FRMD4A: variants seen among roughly 807,000 people sequenced by gnomAD.
FRMD4A encodes FERM domain-containing protein 4A.
FRMD4A carries 29 observed loss-of-function variants against 129.1 expected under a neutral mutation model. The observed-to-expected ratio is 0.22, with a 90% CI of 0.17 to 0.31. The LOEUF (loss-of-function observed/expected upper bound fraction) is 0.31. Among genes scored for constraint, FRMD4A ranks in the 10% least tolerant of loss-of-function variants. FRMD4A has a pLI of 1.00. For missense variants in FRMD4A, 1,272 were observed against 1,375.8 expected (o/e 0.92, Z 1.19); for synonymous variants, 634 against 571.6 (o/e 1.11, Z -1.56).
At chr10:13,966,748 CATT>C (rs1372790657) in intron 2 of FRMD4A, among the ~76,000 whole-genome samples, 2 of 152,218 alleles carry the variant, frequency 1.3e-5, no homozygotes, top group Non-Finnish European at 2.9e-5. Flanking sequence ...AAACAGAAGT[CATT>C]ATATGAAAAA....
intron 12 of FRMD4A, among the ~76,000 whole-genome samples, chr10:13,730,859 C>CAAAAAAAAAAA (rs10639026): frequency 8.8e-5 from 8 of 90,860 alleles, no homozygotes; most frequent in East Asian, 3.5e-4. Context: ...ACTAAAAATA[C>CAAAAAAAAAAA]AAAAAAAAAA....
At chr10:13,903,728 A>T (rs2094848155) in intron 2 of FRMD4A, among the ~76,000 whole-genome samples, 2 of 152,172 alleles carry the variant, frequency 1.3e-5, no homozygotes, top group South Asian at 4.2e-4. Context: ...AATAAAAAAA[A>T]AATAGCCAGG....
At chr10:13,714,652 A>G (rs1328236502) in intron 12 of FRMD4A, among the ~76,000 whole-genome samples, 1 of 152,194 alleles carries the variant, frequency 6.6e-6, no homozygotes, top group Admixed American at 6.5e-5. Flanking sequence ...TACATAAAGT[A>G]GCTGTATTCA....
chr10:14,053,336 C>T lies in FRMD4A; in HGVS notation c.46-194424G>A, dbSNP rs556390162. The stretch of plus-strand genomic sequence containing the variant: ...GAGATCCCTGTGAGTAATTCTCCTT[C>T]CCTGTAAACAAACACCTCTCACAAC... On this transcript the variant is annotated intron_variant, in intron 2 of 24. Transcript: ENST00000357447. 2.6e-5 allele frequency among the ~76,000 whole-genome samples: 4 copies of T among 152,254 alleles called. No individual in the cohort carries two copies. The South Asian group carries it at 6.2e-4, about 24-fold the overall frequency.
At chr10:13,744,359 A>G (rs2091181791) in intron 9 of FRMD4A, among the ~76,000 whole-genome samples, 1 of 152,166 alleles carries the variant, frequency 6.6e-6, no homozygotes, top group Non-Finnish European at 1.5e-5. Context: ...CAACAGGGAA[A>G]TCGCACGGTG....
intron 2 of FRMD4A, among the ~76,000 whole-genome samples, chr10:14,303,072 T>C (rs1166610901): frequency 6.6e-6 from 1 of 152,230 alleles, no homozygotes; most frequent in Non-Finnish European, 1.5e-5. Flanking sequence ...CAGCAGATCC[T>C]GGCCTCAGCT....
At chr10:13,913,696 AG>A (rs768486900) in intron 2 of FRMD4A, among the ~76,000 whole-genome samples, 6 of 152,078 alleles carry the variant, frequency 3.9e-5, no homozygotes, top group Non-Finnish European at 7.4e-5. Context: ...CTGTATCCTT[AG>A]TACTAGTAGA....
At chr10:14,313,094 T>C (rs1846612689) in intron 2 of FRMD4A, among the ~76,000 whole-genome samples, 1 of 152,152 alleles carries the variant, frequency 6.6e-6, no homozygotes, top group South Asian at 2.1e-4. Context: ...GGCTCACACC[T>C]GTAATCCCAA....
intron 2 of FRMD4A, among the ~76,000 whole-genome samples, chr10:14,138,664 G>A (rs1049481522): frequency 6.6e-5 from 10 of 152,024 alleles, no homozygotes; most frequent in African/African-American, 2.2e-4. Context: ...GGAGGCTGAG[G>A]CAGGAGAATT....
At chr10:13,734,401 G>A (rs2090501827) in intron 12 of FRMD4A, among the ~76,000 whole-genome samples, 1 of 152,150 alleles carries the variant, frequency 6.6e-6, no homozygotes, top group Admixed American at 6.5e-5. Context: ...TCCCTATAGA[G>A]GAGGAAGTCC....
intron 12 of FRMD4A, among the ~76,000 whole-genome samples, chr10:13,725,708 T>A (rs1015123526): frequency 6.6e-6 from 1 of 152,182 alleles, no homozygotes; most frequent in Non-Finnish European, 1.5e-5. Flanking sequence ...CGAGGAACCC[T>A]GGCTTCCCAG....
At position 13,724,323 on chromosome 10, in the gene FRMD4A, C is replaced by T. The variant is rs12219658; in HGVS notation, c.759+13521G>A. ...GAATGGTGTGAACCCGGGAGGCGGACGTTGCAGTGAGCTGAGATAGTGCCA... is the reference window on the plus strand; with the variant it reads ...GAATGGTGTGAACCCGGGAGGCGGATGTTGCAGTGAGCTGAGATAGTGCCA... On this transcript the variant is annotated intron_variant, in intron 12 of 24. Coordinates refer to ENST00000357447, the MANE Select transcript of FRMD4A (RefSeq NM_018027.5). Among the ~76,000 whole-genome samples the T allele has an allele frequency of 0.01, 1,552 of 151,856 alleles. 64 individuals are homozygous for T. In the East Asian group the frequency reaches 0.11, roughly 11 times the overall value.
intron 2 of FRMD4A, among the ~76,000 whole-genome samples, chr10:13,954,808 C>T (rs1234145047): frequency 6.6e-6 from 1 of 152,210 alleles, no homozygotes; most frequent in Non-Finnish European, 1.5e-5. Context: ...CGTACCAAAC[C>T]CTTTCAGAGT....
At chr10:13,956,616 C>G (rs1260065145) in intron 2 of FRMD4A, among the ~76,000 whole-genome samples, 1 of 152,154 alleles carries the variant, frequency 6.6e-6, no homozygotes, top group African/African-American at 2.4e-5. Context: ...CACCAAGGCT[C>G]ATCTTGTGTA....
In FRMD4A at chr10:13,647,017, A is replaced by G. The variant is rs2081157593; in HGVS notation, c.*21T>C. On this transcript the variant is annotated 3_prime_UTR_variant, in exon 25 of 25. Coordinates refer to ENST00000357447, the MANE Select transcript of FRMD4A (RefSeq NM_018027.5). ...CTGGATAGAGGGAGGAATCCAGGAA[A>G]CAGCTATCATTGTAGCTCCTGTGGG... 8 of 972,992 alleles carry G rather than the reference A, an allele frequency of 8.2e-6. No individual in the cohort carries two copies. Among genetic ancestry groups the G allele is most frequent in the Non-Finnish European group, 9.8e-6 (8 of 818,246 alleles). 60.3% of individuals were successfully genotyped at this position (972,992 alleles called of 1,614,324 possible).
intron 2 of FRMD4A, among the ~76,000 whole-genome samples, chr10:14,119,428 T>C (rs1838377768): frequency 6.6e-6 from 1 of 152,192 alleles, no homozygotes; most frequent in South Asian, 2.1e-4. Context: ...TGCCTTGATG[T>C]GCAGATATAA....
At chr10:14,186,819 C>G (rs1349066035) in intron 2 of FRMD4A, among the ~76,000 whole-genome samples, 1 of 152,102 alleles carries the variant, frequency 6.6e-6, no homozygotes, top group Admixed American at 6.5e-5. Context: ...AAGTTGTACC[C>G]TTAAGGAATA....
chr10:13,866,022 A>G (rs1346052988), intron 2 of FRMD4A, among the ~76,000 whole-genome samples: 1 of 152,144 alleles, frequency 6.6e-6, no homozygotes, highest in Non-Finnish European at 1.5e-5. Flanking sequence ...CATCCCCGTG[A>G]AAAGCAAGCC....
intron 12 of FRMD4A, among the ~76,000 whole-genome samples, chr10:13,735,846 CA>C (rs1383908407): frequency 5.3e-5 from 8 of 152,106 alleles, no homozygotes; most frequent in Non-Finnish European, 8.8e-5. Context: ...CAAAAACAGT[CA>C]GGCAGGTTGA....
Sources: allele counts gnomAD v4.1 joint callset (sites outside exome capture counted in the v4.1 genomes callset), GRCh38; gene constraint gnomAD v4.1.1; transcripts MANE v1.5; gene names NCBI Gene and HGNC (gene_info 2026-07-23, HGNC 2026-07-21).